Variants in ADAMTS6 observed in about 807,000 individuals in gnomAD.
The protein encoded by ADAMTS6 is A disintegrin and metalloproteinase with thrombospondin motifs 6.
Under a neutral mutation model 144.3 loss-of-function variants are expected in ADAMTS6, and 23 were observed. That is an observed-to-expected ratio of 0.16 (90% CI 0.11 to 0.23). ADAMTS6 has a LOEUF of 0.23. Among genes scored for constraint, ADAMTS6 ranks in the 10% least tolerant of loss-of-function variants. The pLI is 1.00. For missense variants in ADAMTS6, 999 were observed against 1,379.6 expected (o/e 0.72, Z 4.37); for synonymous variants, 444 against 457.5 (o/e 0.97, Z 0.38).
intron 15 of ADAMTS6, among the ~76,000 whole-genome samples, chr5:65,229,498 A>C (rs866907889): frequency 6.6e-6 from 1 of 152,222 alleles, no homozygotes. Flanking sequence ...AAAAGAATCC[A>C]AAATAATTGT....
In ADAMTS6 at chr5:65,214,974, G is replaced by A. The variant is rs771496788; in HGVS notation, c.2437-42C>T. 4 of 1,585,572 alleles carry A rather than the reference G, an allele frequency of 2.5e-6. No individual in the cohort carries two copies. In the African/African-American group the frequency reaches 4.1e-5, roughly 16 times the overall value. On this transcript the variant is annotated intron_variant, in intron 19 of 24. Coordinates refer to ENST00000381055, the MANE Select transcript of ADAMTS6 (RefSeq NM_197941.4). The surrounding 1 kb of genome is among the most constrained non-coding windows in gnomAD (Gnocchi z 4.6). ...CTGGTGAAGACAATTAAAATACAAT[G>A]AGCCTTCATTCAGATATTTATTATT...
chr5:65,324,593 G>A (rs1745986516), intron 9 of ADAMTS6, among the ~76,000 whole-genome samples: 1 of 151,118 alleles, frequency 6.6e-6, no homozygotes. Context: ...TATATATAAT[G>A]GATAAAAGTC....
At chr5:65,179,654 T>C (rs1683122874) in intron 22 of ADAMTS6, among the ~76,000 whole-genome samples, 1 of 150,966 alleles carries the variant, frequency 6.6e-6, no homozygotes, top group Admixed American at 6.6e-5. Context: ...GCTACTTGGA[T>C]AAAAAATAAA....
chr5:65,460,942 G>C (rs1759601203), intron 3 of ADAMTS6, among the ~76,000 whole-genome samples: 1 of 152,126 alleles, frequency 6.6e-6, no homozygotes. Flanking sequence ...ACAAATCATT[G>C]ACATTTTGAG....
chr5:65,399,788 ATCTG>A (rs1753767912), intron 7 of ADAMTS6, among the ~76,000 whole-genome samples: 1 of 152,178 alleles, frequency 6.6e-6, no homozygotes, highest in South Asian at 2.1e-4. Flanking sequence ...ACAAACTGTT[ATCTG>A]TCTGATAGAT....
At chr5:65,238,814 C>A (rs13183791) in intron 15 of ADAMTS6, among the ~76,000 whole-genome samples, 5,669 of 151,974 alleles carry the variant, frequency 0.037, 162 homozygotes, top group South Asian at 0.055. Flanking sequence ...AGGGATATAC[C>A]ATGTTCAAAA....
intron 7 of ADAMTS6, among the ~76,000 whole-genome samples, chr5:65,435,729 G>A (rs150850197): frequency 0.028 from 4,192 of 151,912 alleles, 79 homozygotes; most frequent in South Asian, 0.053. Context: ...GGGTTCGAGC[G>A]ATTCTTCTGC....
intron 7 of ADAMTS6, among the ~76,000 whole-genome samples, chr5:65,353,262 T>A (rs1749026922): frequency 6.6e-6 from 1 of 152,148 alleles, no homozygotes; most frequent in East Asian, 1.9e-4. Flanking sequence ...TAACCTCTGC[T>A]GTATAGGAAG....
chr5:65,270,630 A>C (rs1269853780), intron 12 of ADAMTS6, among the ~76,000 whole-genome samples: 1 of 152,000 alleles, frequency 6.6e-6, no homozygotes, highest in Non-Finnish European at 1.5e-5. Flanking sequence ...TCTTTTTAAG[A>C]CTTATTAGTG....
intron 11 of ADAMTS6, among the ~76,000 whole-genome samples, chr5:65,290,201 C>T (rs543858818): frequency 1.3e-5 from 2 of 152,252 alleles, no homozygotes; most frequent in African/African-American, 4.8e-5. Flanking sequence ...ACAATACTAC[C>T]TTAACCCTTA....
intron 7 of ADAMTS6, among the ~76,000 whole-genome samples, chr5:65,380,786 A>G (rs933702790): frequency 2.0e-4 from 31 of 152,114 alleles, no homozygotes; most frequent in African/African-American, 7.2e-4. Context: ...GCTTTCTCTC[A>G]TTGGTTTGTA....
rs1355297234 is a variant in ADAMTS6, at chr5:65,262,824, T to C, written c.1759A>G (p.Ser587Gly). The C allele has an allele frequency of 6.6e-7, 1 of 1,520,466 alleles. No individual in the cohort carries two copies. Among genetic ancestry groups the C allele is most frequent in the Non-Finnish European group, 8.8e-7 (1 of 1,140,174 alleles). The allele number at this position is 1,520,466 out of a possible 1,614,324, so 94.2% of individuals were successfully genotyped here. Residue 587 changes from serine to glycine, a missense_variant, in exon 13 of 25, where the codon AGT (serine) becomes GGT (glycine). Physicochemically the swap from Ser to Gly is moderately conservative, Grantham distance 56. This residue lies in a region of ADAMTS6 where 619 missense variants were observed against 837.0 expected (regional missense o/e 0.74). Coordinates refer to ENST00000381055, the MANE Select transcript of ADAMTS6 (RefSeq NM_197941.4). ...CTTACTTTAGCTACTTACGCTGGACTGTCACAGTGTCTTAGGGATGAGGAG... is the reference window on the plus strand; with the variant it reads ...CTTACTTTAGCTACTTACGCTGGACCGTCACAGTGTCTTAGGGATGAGGAG... ...GVSSSLRHCD[S>G]PAPSGGGKYC...
chr5:65,282,880 G>A (rs1273845691), intron 11 of ADAMTS6, among the ~76,000 whole-genome samples: 2 of 152,094 alleles, frequency 1.3e-5, no homozygotes, highest in Non-Finnish European at 2.9e-5. Flanking sequence ...GGGGTCTAAC[G>A]GTTGAGGAGC....
chr5:65,236,506 C>T (rs908741738), intron 15 of ADAMTS6, among the ~76,000 whole-genome samples: 1 of 152,046 alleles, frequency 6.6e-6, no homozygotes, highest in African/African-American at 2.4e-5. Context: ...AGGGTGGTCT[C>T]CAACTCCTGG....
chr5:65,248,599 G>A (rs902133025), intron 14 of ADAMTS6, among the ~76,000 whole-genome samples: 3 of 151,838 alleles, frequency 2.0e-5, no homozygotes, highest in Non-Finnish European at 4.4e-5. Context: ...TCAGGAGTTT[G>A]AGACCAGCCT....
chr5:65,359,110 A>G (rs954149482), intron 7 of ADAMTS6, among the ~76,000 whole-genome samples: 2 of 152,144 alleles, frequency 1.3e-5, no homozygotes, highest in African/African-American at 4.8e-5. Flanking sequence ...AGGAGAAAAT[A>G]TTTGTAAACC....
chr5:65,471,624 G>A (rs1055229274), intron 2 of ADAMTS6, among the ~76,000 whole-genome samples: 1 of 152,042 alleles, frequency 6.6e-6, no homozygotes, highest in African/African-American at 2.4e-5. Flanking sequence ...CGGGCGTTGC[G>A]GCACACGCCT....
intron 10 of ADAMTS6, among the ~76,000 whole-genome samples, chr5:65,295,361 C>T (rs1396120546): frequency 6.6e-6 from 1 of 152,170 alleles, no homozygotes; most frequent in Admixed American, 6.5e-5. Context: ...ACAATTCTTA[C>T]ATGTCCAGTG....
chr5:65,262,565 T>C (rs1237929155), intron 13 of ADAMTS6, among the ~76,000 whole-genome samples: 1 of 152,200 alleles, frequency 6.6e-6, no homozygotes, highest in African/African-American at 2.4e-5. Context: ...ATTAAAAGTC[T>C]GGCTTATCTG....
Sources: gnomAD v4.1 joint callset for allele counts (sites outside exome capture counted in the v4.1 genomes callset) on GRCh38, gnomAD v4.1.1 for gene constraint, gnomAD v4.1.1 regional missense constraint, Gnocchi (gnomAD v3.1) non-coding constraint, MANE v1.5 for transcripts, NCBI Gene and HGNC (gene_info 2026-07-23, HGNC 2026-07-21) for gene names.